The following UBQLN1 variants were observed in gnomAD, a reference collection of about 807,000 sequenced individuals.
The protein encoded by UBQLN1 is ubiquilin 1.
In UBQLN1, 13 loss-of-function variants were observed where a neutral mutation model predicts 65.4. The ratio of observed to expected loss-of-function variants is 0.20; its 90% CI spans 0.13 to 0.32. The LOEUF is 0.32. UBQLN1 is among the 10% of genes least tolerant of loss of function. The pLI is 1.00. For synonymous variants in UBQLN1, 267 were observed against 247.8 expected (o/e 1.08, Z -0.73); for missense variants, 561 against 724.0 (o/e 0.77, Z 2.58).
At chr9:83,698,766 A>G (rs1373107430) in intron 1 of UBQLN1, among the ~76,000 whole-genome samples, 1 of 152,144 alleles carries the variant, frequency 6.6e-6, no homozygotes, top group Non-Finnish European at 1.5e-5. Context: ...AATACAAAGT[A>G]GCCAAGCATG....
At chr9:83,701,241 C>T (rs1047431819) in intron 1 of UBQLN1, among the ~76,000 whole-genome samples, 4 of 151,854 alleles carry the variant, frequency 2.6e-5, no homozygotes, top group African/African-American at 9.7e-5. Context: ...ATAAAAATAA[C>T]ATCCTTATGA....
chr9:83,671,672 T>G (rs1831734233), intron 6 of UBQLN1, among the ~76,000 whole-genome samples: 1 of 151,798 alleles, frequency 6.6e-6, no homozygotes, highest in Non-Finnish European at 1.5e-5. Context: ...CTTTTTTTCT[T>G]TTTTTCTTTT....
intron 2 of UBQLN1, among the ~76,000 whole-genome samples, 194 bp from the exon 3 acceptor site, chr9:83,683,260 A>C (rs1831977258): frequency 6.6e-6 from 1 of 152,110 alleles, no homozygotes; most frequent in African/African-American, 2.4e-5. Context: ...AACATACAAA[A>C]AATTAGCCGG....
At chr9:83,698,068 T>C (rs1033182199) in intron 1 of UBQLN1, among the ~76,000 whole-genome samples, 5 of 152,156 alleles carry the variant, frequency 3.3e-5, no homozygotes, top group African/African-American at 1.2e-4. Flanking sequence ...AGGATAATAA[T>C]AGTGCTTTCA....
At position 83,680,260 on chromosome 9, in the gene UBQLN1, A is replaced by G. The variant is rs190193088; in HGVS notation, c.449-223T>C. On this transcript the variant is annotated intron_variant, in intron 3 of 10. Coordinates refer to ENST00000376395, the MANE Select transcript of UBQLN1 (RefSeq NM_013438.5). ...ATTAAAGTAATAAAATCAACAAAAT[A>G]TATTTTCATGTATGTAGTATAATAA... is the stretch of plus-strand genomic sequence containing the variant. Among the ~76,000 whole-genome samples, 67 of 152,290 alleles carry G rather than the reference A, an allele frequency of 4.4e-4. 1 individual carries two copies. In the East Asian group the frequency reaches 8.7e-3, roughly 20 times the overall value.
intron 6 of UBQLN1, among the ~76,000 whole-genome samples, chr9:83,669,890 C>G (rs900798786): frequency 1.3e-5 from 2 of 152,144 alleles, no homozygotes; most frequent in Non-Finnish European, 2.9e-5. Flanking sequence ...AGCCTGATTA[C>G]GTGGGTTCAA....
intron 6 of UBQLN1, among the ~76,000 whole-genome samples, chr9:83,673,580 A>AAAAC (rs1554727531): frequency 1.6e-4 from 18 of 109,582 alleles, no homozygotes; most frequent in African/African-American, 4.9e-4. Flanking sequence ...AAAAAAAAAA[A>AAAAC]CTGCGCTTAC....
intron 1 of UBQLN1, among the ~76,000 whole-genome samples, chr9:83,705,646 A>G (rs1470055005): frequency 6.6e-6 from 1 of 152,248 alleles, no homozygotes; most frequent in Non-Finnish European, 1.5e-5. Flanking sequence ...AAGATAAAAG[A>G]GTAAGACCAC....
chr9:83,664,133 CAT>C, intron 9 of UBQLN1, 90 bp from the exon 10 acceptor site: 1 of 1,427,042 alleles, frequency 7.0e-7, no homozygotes, highest in Non-Finnish European at 9.5e-7. Flanking sequence ...TAAGCTAAGC[CAT>C]CTTCTTAAAA....
intron 1 of UBQLN1, among the ~76,000 whole-genome samples, chr9:83,693,277 T>C (rs985883802): frequency 1.3e-5 from 2 of 152,200 alleles, no homozygotes; most frequent in African/African-American, 4.8e-5. Context: ...GTGTTGCACA[T>C]GAGTGGATTC....
Position 83,661,941 on chromosome 9 carries a change from T to A in UBQLN1, c.1618-2A>T. ...AAATCTGACTTCTGGATTCTGTAGC[T>A]ATTAAAGAAAAAAAAAATTAATCCA... On this transcript the variant is annotated splice_acceptor_variant, in intron 10 of 10. Transcript: ENST00000376395. LOFTEE classifies it high-confidence loss of function. The A allele has an allele frequency of 1.2e-6, 2 of 1,602,356 alleles. No homozygotes were observed. Among genetic ancestry groups the A allele is most frequent in the Middle Eastern group, 1.7e-4 (1 of 5,988 alleles).
chr9:83,678,799 C>T (rs1380382732), intron 4 of UBQLN1, among the ~76,000 whole-genome samples, 200 bp from the exon 5 acceptor site: 2 of 152,108 alleles, frequency 1.3e-5, no homozygotes, highest in Non-Finnish European at 2.9e-5. Flanking sequence ...TCACTGCAAG[C>T]TCCGCCTCCC....
intron 6 of UBQLN1, among the ~76,000 whole-genome samples, chr9:83,673,194 C>A (rs189863470): frequency 1.6e-3 from 237 of 152,286 alleles, no homozygotes; most frequent in Admixed American, 3.1e-3. Flanking sequence ...TATACCACTG[C>A]ACTCCAGCCT....
chr9:83,688,201 G>GCTA (rs1430541867), intron 1 of UBQLN1, among the ~76,000 whole-genome samples: 1 of 152,180 alleles, frequency 6.6e-6, no homozygotes, highest in Non-Finnish European at 1.5e-5. Flanking sequence ...ATAAATGGTA[G>GCTA]CTACTACTAT....
chr9:83,707,121 G>A (rs947030387), intron 1 of UBQLN1, among the ~76,000 whole-genome samples: 2 of 152,050 alleles, frequency 1.3e-5, no homozygotes, highest in Non-Finnish European at 2.9e-5. Flanking sequence ...GAGCTAAAGC[G>A]AACCCTCGCC....
At chr9:83,686,984 A>T (rs919170395) in intron 1 of UBQLN1, among the ~76,000 whole-genome samples, 1 of 152,138 alleles carries the variant, frequency 6.6e-6, no homozygotes, top group Non-Finnish European at 1.5e-5. Flanking sequence ...TTTAAAAAAA[A>T]AAAAAGTTTT....
At chr9:83,675,947 A>G (rs938940861) in intron 6 of UBQLN1, among the ~76,000 whole-genome samples, 7 of 152,150 alleles carry the variant, frequency 4.6e-5, no homozygotes, top group Non-Finnish European at 8.8e-5. Context: ...TATTTTTTCA[A>G]TTAAAAAATT....
chr9:83,707,063 G>A (rs1347569175), intron 1 of UBQLN1, among the ~76,000 whole-genome samples: 2 of 152,052 alleles, frequency 1.3e-5, no homozygotes, highest in Non-Finnish European at 2.9e-5. Flanking sequence ...GTAAAACAAC[G>A]AGGATCCCAC....
At chr9:83,668,140 A>C in intron 7 of UBQLN1, 1 of 985,430 alleles carries the variant, frequency 1.0e-6, no homozygotes, top group Non-Finnish European at 1.2e-6. Flanking sequence ...ATCTTCCATA[A>C]AATGTACCTC....
Sources: gnomAD v4.1 joint callset for allele counts (sites outside exome capture counted in the v4.1 genomes callset) on GRCh38, gnomAD v4.1.1 for gene constraint, MANE v1.5 for transcripts, NCBI Gene and HGNC (gene_info 2026-07-23, HGNC 2026-07-21) for gene names.